ARHGAP12: variants seen among roughly 807,000 people sequenced by gnomAD.
ARHGAP12 encodes the protein rho GTPase-activating protein 12.
In ARHGAP12, 64 loss-of-function variants were observed where a neutral mutation model predicts 108.6. The observed-to-expected ratio is 0.59, with a 90% CI of 0.48 to 0.73. ARHGAP12 has a LOEUF of 0.73. ARHGAP12 is among the 30% of genes least tolerant of loss of function. The pLI is 0.00. For missense variants in ARHGAP12, 940 were observed against 1,005.9 expected, an observed-to-expected ratio of 0.93 and a Z score of 0.89; for synonymous variants, 312 against 337.2, an observed-to-expected ratio of 0.93 and a Z score of 0.82.
intron 3 of ARHGAP12, among the ~76,000 whole-genome samples, chr10:31,869,986 C>T (rs979391033): frequency 6.6e-6 from 1 of 152,122 alleles, no homozygotes; most frequent in Non-Finnish European, 1.5e-5. Context: ...ATCTACCTTA[C>T]TAAAAGTACA....
chr10:31,830,716 C>T (rs1056068992), intron 10 of ARHGAP12, among the ~76,000 whole-genome samples: 2 of 152,104 alleles, frequency 1.3e-5, no homozygotes, highest in South Asian at 2.1e-4. Context: ...GGAGGTACTA[C>T]ACATTAACCA....
intron 8 of ARHGAP12, 148 bp downstream of exon 8, chr10:31,839,489 G>GTT (rs1326331448): frequency 9.2e-7 from 1 of 1,092,750 alleles, no homozygotes; most frequent in Admixed American, 3.0e-5. Flanking sequence ...AAATCTGATT[G>GTT]TTAAACTTAT....
chr10:31,927,013 T>C (rs1057032791), intron 1 of ARHGAP12, among the ~76,000 whole-genome samples: 4 of 152,182 alleles, frequency 2.6e-5, no homozygotes, highest in African/African-American at 9.7e-5. Context: ...TATCAACAAA[T>C]ATTGGCGCAT....
intron 4 of ARHGAP12, among the ~76,000 whole-genome samples, chr10:31,855,497 G>T (rs934222206): frequency 2.0e-5 from 3 of 152,100 alleles, no homozygotes; most frequent in African/African-American, 7.2e-5. Flanking sequence ...GACACTAAGA[G>T]CCTAATATTA....
intron 3 of ARHGAP12, among the ~76,000 whole-genome samples, chr10:31,905,844 TA>T (rs1278455175): frequency 7.9e-5 from 11 of 139,454 alleles, no homozygotes; most frequent in Non-Finnish European, 1.6e-4. Context: ...ATGGTGGAAA[TA>T]ATAACAGAAA....
rs575007627 is a variant in ARHGAP12 at position 31,926,764 on chromosome 10, TAAAGA to T, written c.-111+1914_-111+1918del. On this transcript the variant is annotated intron_variant, in intron 1 of 19. Coordinates refer to ENST00000344936, the MANE Select transcript of ARHGAP12 (RefSeq NM_018287.7). ...AACCACTGAGCAGATTCTTTCTAATTAAAGAAAAGTCAAATGATTAACTACAAGTA... is the reference window on the plus strand; with the variant it reads ...AACCACTGAGCAGATTCTTTCTAATTAAAGTCAAATGATTAACTACAAGTA... Among the ~76,000 whole-genome samples, 62 of 152,356 alleles carry T rather than the reference TAAAGA, an allele frequency of 4.1e-4. No individual in the cohort carries two copies. The South Asian group carries it at 4.8e-3, about 12-fold the overall frequency.
intron 3 of ARHGAP12, among the ~76,000 whole-genome samples, chr10:31,902,736 T>TA (rs898713387): frequency 3.5e-4 from 53 of 151,364 alleles, no homozygotes; most frequent in Admixed American, 2.4e-3. Flanking sequence ...ACTATAAACT[T>TA]AAAAAAAAAT....
At chr10:31,881,796 A>C (rs1381928395) in intron 3 of ARHGAP12, among the ~76,000 whole-genome samples, 2 of 152,216 alleles carry the variant, frequency 1.3e-5, no homozygotes, top group African/African-American at 2.4e-5. Flanking sequence ...TACTTTTGTT[A>C]CCACAGTGTA....
intron 7 of ARHGAP12, among the ~76,000 whole-genome samples, chr10:31,840,655 G>A (rs1302426092): frequency 4.6e-5 from 7 of 152,002 alleles, no homozygotes; most frequent in African/African-American, 1.7e-4. Flanking sequence ...TATAAACCTG[G>A]AGAAGGTGCT....
chr10:31,816,168 C>CGTGT (rs201754040), intron 13 of ARHGAP12, among the ~76,000 whole-genome samples: 12,933 of 136,280 alleles, frequency 0.095, 645 homozygotes, highest in Middle Eastern at 0.12. Flanking sequence ...AAGAAAGAAA[C>CGTGT]GTGTGTGTGT....
At chr10:31,914,738 T>A (rs992546251) in intron 1 of ARHGAP12, among the ~76,000 whole-genome samples, 1 of 152,134 alleles carries the variant, frequency 6.6e-6, no homozygotes, top group Non-Finnish European at 1.5e-5. Flanking sequence ...TGGAAGTTCC[T>A]CAAAACATTA....
rs561990502 is a variant in ARHGAP12 at position 31,863,150 on chromosome 10, G to A, written c.685-1492C>T. The stretch of plus-strand genomic sequence containing the variant: ...GTACTATATTCAATGATGCAAATTC[G>A]ACTATTTTCCTTAAAACGTTAGCTT... On this transcript the variant is annotated intron_variant, in intron 3 of 19. Coordinates refer to ENST00000344936, the MANE Select transcript of ARHGAP12 (RefSeq NM_018287.7). Among the ~76,000 whole-genome samples the A allele has an allele frequency of 1.4e-3, 219 of 152,200 alleles. 1 individual carries two copies. Among genetic ancestry groups the A allele is most frequent in the Non-Finnish European group, 3.4e-4 (23 of 68,010 alleles).
intron 3 of ARHGAP12, among the ~76,000 whole-genome samples, chr10:31,889,074 T>C (rs968540867): frequency 6.6e-6 from 1 of 152,170 alleles, no homozygotes; most frequent in Admixed American, 6.5e-5. Context: ...CATGCCTGGC[T>C]AATTATTTTG....
chr10:31,906,417 AT>A (rs1839134972), intron 3 of ARHGAP12, among the ~76,000 whole-genome samples: 1 of 152,204 alleles, frequency 6.6e-6, no homozygotes, highest in Non-Finnish European at 1.5e-5. Flanking sequence ...AGGTTCAGTG[AT>A]TTTCCCCAAT....
intron 9 of ARHGAP12, among the ~76,000 whole-genome samples, 164 bp downstream of exon 9, chr10:31,839,141 C>T (rs778133972): frequency 2.1e-4 from 32 of 152,220 alleles, no homozygotes; most frequent in Middle Eastern, 3.4e-3. Flanking sequence ...AGAGTTAAGA[C>T]AGGTATCTTA....
intron 3 of ARHGAP12, among the ~76,000 whole-genome samples, chr10:31,897,018 T>C (rs1157603213): frequency 6.6e-6 from 1 of 152,156 alleles, no homozygotes; most frequent in African/African-American, 2.4e-5. Flanking sequence ...AAGTGTGGAC[T>C]AGGATGAGAA....
chr10:31,884,018 A>C (rs1373646419), intron 3 of ARHGAP12, among the ~76,000 whole-genome samples: 1 of 151,590 alleles, frequency 6.6e-6, no homozygotes, highest in Admixed American at 6.6e-5. Context: ...CCTGGCCTAA[A>C]CTTTTTGTAA....
At chr10:31,875,288 T>C (rs1378490994) in intron 3 of ARHGAP12, among the ~76,000 whole-genome samples, 2 of 152,170 alleles carry the variant, frequency 1.3e-5, no homozygotes, top group Non-Finnish European at 2.9e-5. Context: ...ACACTTATGA[T>C]ACCCATGGAG....
At chr10:31,812,159 C>T (rs1477879547) in intron 15 of ARHGAP12, among the ~76,000 whole-genome samples, 8 of 151,876 alleles carry the variant, frequency 5.3e-5, no homozygotes, top group Non-Finnish European at 1.2e-4. Flanking sequence ...ATTAAACACG[C>T]TCGTAAGAAC....
Sources: allele counts gnomAD v4.1 joint callset (sites outside exome capture counted in the v4.1 genomes callset), GRCh38; gene constraint gnomAD v4.1.1; transcripts MANE v1.5; gene names NCBI Gene and HGNC (gene_info 2026-07-23, HGNC 2026-07-21).